Variants in NCAM2 observed in about 807,000 individuals in gnomAD.
NCAM2 encodes N-CAM-2.
In NCAM2, 30 loss-of-function variants were observed where a neutral mutation model predicts 98.1. The ratio of observed to expected loss-of-function variants is 0.31; its 90% CI spans 0.23 to 0.41. The LOEUF is 0.41. NCAM2 is among the 10% of genes least tolerant of loss of function. NCAM2 has a pLI of 1.00. For missense variants in NCAM2, 867 were observed against 1,005.8 expected (o/e 0.86, Z 1.87); for synonymous variants, 368 against 342.4 (o/e 1.07, Z -0.83).
intron 1 of NCAM2, among the ~76,000 whole-genome samples, chr21:21,095,890 G>A (rs751480316): frequency 1.5e-4 from 22 of 151,586 alleles, no homozygotes; most frequent in South Asian, 6.2e-4. Flanking sequence ...CAGAGGAACC[G>A]TTAAGGGTTG....
At chr21:21,025,108 T>C (rs986015844) in intron 1 of NCAM2, among the ~76,000 whole-genome samples, 4 of 151,646 alleles carry the variant, frequency 2.6e-5, no homozygotes, top group Non-Finnish European at 5.9e-5. Context: ...TTTTTTGAGA[T>C]GGAGTCTCGC....
At position 21,191,481 on chromosome 21, in the gene NCAM2, C is replaced by T. The variant is rs577336963; in HGVS notation, c.56-89097C>T. Among the ~76,000 whole-genome samples the T allele has an allele frequency of 4.6e-5, 7 of 152,238 alleles. No homozygotes were observed. The South Asian group carries it at 1.5e-3, about 32-fold the overall frequency. On this transcript the variant is annotated intron_variant, in intron 1 of 17. Coordinates refer to ENST00000400546, the MANE Select transcript of NCAM2 (RefSeq NM_004540.5). ...TCTTAGCACAAACTTACATGCTTTA[C>T]TTTAAATCAGTTATTCTATATGCAA...
chr21:21,007,064 A>T (rs2064125670), intron 1 of NCAM2, among the ~76,000 whole-genome samples: 1 of 152,206 alleles, frequency 6.6e-6, no homozygotes, highest in Non-Finnish European at 1.5e-5. Context: ...TTTTTACTGC[A>T]CAAGTTTTCA....
intron 8 of NCAM2, among the ~76,000 whole-genome samples, chr21:21,372,117 G>C (rs1462958340): frequency 6.6e-6 from 1 of 151,622 alleles, no homozygotes; most frequent in Non-Finnish European, 1.5e-5. Context: ...TATAAATAAT[G>C]ACACATTATA....
intron 8 of NCAM2, among the ~76,000 whole-genome samples, chr21:21,371,108 G>C (rs889051082): frequency 6.6e-6 from 1 of 151,690 alleles, no homozygotes; most frequent in Non-Finnish European, 1.5e-5. Context: ...AGATTAGAAA[G>C]CTAGGAGCAA....
chr21:21,529,710 G>T (rs961426763), intron 16 of NCAM2, among the ~76,000 whole-genome samples: 1 of 151,738 alleles, frequency 6.6e-6, no homozygotes, highest in Non-Finnish European at 1.5e-5. Flanking sequence ...TCTGACAGGG[G>T]CAGAGTGCAT....
chr21:21,463,086 G>A (rs919539724), intron 12 of NCAM2, among the ~76,000 whole-genome samples: 1 of 152,062 alleles, frequency 6.6e-6, no homozygotes, highest in Non-Finnish European at 1.5e-5. Context: ...TTCATAATTT[G>A]AGGTACAACT....
chr21:21,195,465 G>A (rs542388814), intron 1 of NCAM2, among the ~76,000 whole-genome samples: 1 of 152,232 alleles, frequency 6.6e-6, no homozygotes, highest in South Asian at 2.1e-4. Context: ...TAATGAATGT[G>A]CATTCTTCTT....
intron 5 of NCAM2, among the ~76,000 whole-genome samples, chr21:21,311,997 T>C (rs763046482): frequency 1.7e-4 from 26 of 152,202 alleles, no homozygotes; most frequent in Non-Finnish European, 3.2e-4. Flanking sequence ...ACGTCTTAAA[T>C]CTATTTTTAC....
chr21:21,401,630 A>C lies in NCAM2; in HGVS notation c.1196-8644A>C, dbSNP rs914970244. On this transcript the variant is annotated intron_variant, in intron 9 of 17. Coordinates refer to ENST00000400546, the MANE Select transcript of NCAM2 (RefSeq NM_004540.5). Reference sequence around the variant, plus strand: ...TCCAGATTCATTCATGTCATTGAAAATGTCAGAATTTCCTTCTATTTTCAT... The same window carrying C: ...TCCAGATTCATTCATGTCATTGAAACTGTCAGAATTTCCTTCTATTTTCAT... 3.3e-5 allele frequency among the ~76,000 whole-genome samples: 5 copies of C among 152,302 alleles called. No individual in the cohort carries two copies. In the South Asian group the frequency reaches 1.0e-3, roughly 32 times the overall value.
intron 5 of NCAM2, among the ~76,000 whole-genome samples, chr21:21,302,321 A>G (rs1439658033): frequency 1.3e-5 from 2 of 152,092 alleles, no homozygotes; most frequent in Non-Finnish European, 2.9e-5. Context: ...TCCAGTTTCA[A>G]TCTTCTGCGT....
chr21:21,156,254 C>T (rs2067607531), intron 1 of NCAM2, among the ~76,000 whole-genome samples: 6 of 151,826 alleles, frequency 4.0e-5, no homozygotes, highest in Admixed American at 3.9e-4. Flanking sequence ...CATAAACAAA[C>T]AAAAATAAAG....
intron 1 of NCAM2, among the ~76,000 whole-genome samples, chr21:21,264,956 T>C (rs1269294382): frequency 8.0e-6 from 1 of 124,382 alleles, no homozygotes; most frequent in African/African-American, 2.9e-5. Context: ...TATATATGTG[T>C]ATGTGTATAT....
intron 5 of NCAM2, among the ~76,000 whole-genome samples, chr21:21,307,404 C>A (rs1414288926): frequency 1.3e-5 from 2 of 152,062 alleles, no homozygotes; most frequent in African/African-American, 4.8e-5. Flanking sequence ...AATCATAAAA[C>A]TCATAATAGT....
intron 1 of NCAM2, among the ~76,000 whole-genome samples, chr21:21,096,705 CTT>C (rs528492237): frequency 0.01 from 1,575 of 151,546 alleles, 11 homozygotes; most frequent in Non-Finnish European, 0.016. Context: ...ATTCTTTACT[CTT>C]TTAATATCAT....
chr21:21,350,402 AT>A (rs1275356899), intron 8 of NCAM2, among the ~76,000 whole-genome samples: 1 of 152,132 alleles, frequency 6.6e-6, no homozygotes, highest in Non-Finnish European at 1.5e-5. Context: ...ATTGGGCACA[AT>A]TTTATACTAC....
intron 13 of NCAM2, among the ~76,000 whole-genome samples, chr21:21,467,428 T>TATATATATATATATCTTTATATA (rs1555902035): frequency 4.3e-5 from 6 of 140,732 alleles, no homozygotes; most frequent in Non-Finnish European, 9.0e-5. Context: ...ATATATCTTT[T>TATATATATATATATCTTTATATA]TATATATATA....
intron 1 of NCAM2, among the ~76,000 whole-genome samples, chr21:21,141,915 C>T (rs531234150): frequency 6.6e-6 from 1 of 152,124 alleles, no homozygotes; most frequent in Non-Finnish European, 1.5e-5. Context: ...TTGATCTTTG[C>T]TTCCAGACAT....
chr21:21,267,768 C>T (rs887938724), intron 1 of NCAM2, among the ~76,000 whole-genome samples: 1 of 152,106 alleles, frequency 6.6e-6, no homozygotes, highest in Admixed American at 6.6e-5. Flanking sequence ...GTGTCAAACA[C>T]TGATTTAAAT....
Sources: gnomAD v4.1 joint callset for allele counts (sites outside exome capture counted in the v4.1 genomes callset) on GRCh38, gnomAD v4.1.1 for gene constraint, MANE v1.5 for transcripts, NCBI Gene and HGNC (gene_info 2026-07-23, HGNC 2026-07-21) for gene names.